FMN1: variants seen among roughly 807,000 people sequenced by gnomAD.
FMN1 encodes formin 1.
In FMN1, 110 loss-of-function variants were observed where a neutral mutation model predicts 132.4. The ratio of observed to expected loss-of-function variants is 0.83; its 90% CI spans 0.71 to 0.97. The LOEUF (loss-of-function observed/expected upper bound fraction) is 0.97, where lower values mean the gene tolerates loss of function less well. Among genes scored for constraint, FMN1 ranks in the 50% least tolerant of loss-of-function variants. FMN1 has a pLI of 0.00. For missense variants in FMN1, 1,792 were observed against 1,705.3 expected (o/e 1.05, Z -0.90); for synonymous variants, 722 against 651.7 (o/e 1.11, Z -1.64).
intron 5 of FMN1, among the ~76,000 whole-genome samples, chr15:33,077,793 C>CAAAAA (rs796706510): frequency 8.7e-6 from 1 of 115,104 alleles, no homozygotes; most frequent in Non-Finnish European, 1.7e-5. Context: ...AACAAATTTA[C>CAAAAA]AAAAAAAAAA....
chr15:33,182,706 C>T (rs569935104), intron 2 of FMN1, among the ~76,000 whole-genome samples: 15 of 152,270 alleles, frequency 9.9e-5, no homozygotes, highest in African/African-American at 3.6e-4. Flanking sequence ...TCTGCCCAGG[C>T]GCCATCTACC....
At chr15:33,120,395 A>G (rs1244690525) in intron 4 of FMN1, among the ~76,000 whole-genome samples, 1 of 152,122 alleles carries the variant, frequency 6.6e-6, no homozygotes, top group African/African-American at 2.4e-5. Flanking sequence ...TTGTGCCCAT[A>G]GTGTTTACAG....
chr15:32,815,319 T>C (rs1423472384), intron 17 of FMN1, among the ~76,000 whole-genome samples: 1 of 152,218 alleles, frequency 6.6e-6, no homozygotes, highest in Non-Finnish European at 1.5e-5. Flanking sequence ...CATAGCATTT[T>C]AGTACTAGAT....
At chr15:33,130,301 T>C (rs1198162176) in intron 4 of FMN1, among the ~76,000 whole-genome samples, 3 of 152,210 alleles carry the variant, frequency 2.0e-5, no homozygotes, top group African/African-American at 4.8e-5. Flanking sequence ...ACTCAAAATA[T>C]TGCCCTACAT....
chr15:33,193,327 G>A (rs1377636487), intron 2 of FMN1, among the ~76,000 whole-genome samples: 2 of 152,160 alleles, frequency 1.3e-5, no homozygotes, highest in Non-Finnish European at 2.9e-5. Flanking sequence ...CCTAGAAACA[G>A]CTAAGCAACG....
intron 7 of FMN1, among the ~76,000 whole-genome samples, chr15:33,004,242 C>G (rs1410498522): frequency 6.6e-6 from 1 of 152,170 alleles, no homozygotes; most frequent in African/African-American, 2.4e-5. Flanking sequence ...AAACCACCAT[C>G]AGAGTGAACA....
At chr15:33,118,520 T>C (rs144898341) in intron 4 of FMN1, among the ~76,000 whole-genome samples, 2,406 of 152,332 alleles carry the variant, frequency 0.016, 35 homozygotes, top group Non-Finnish European at 0.025. Context: ...TTATTTTTCC[T>C]AGGTAATTTT....
At chr15:32,939,904 TAATA>T (rs2061363014) in intron 9 of FMN1, among the ~76,000 whole-genome samples, 1 of 152,200 alleles carries the variant, frequency 6.6e-6, no homozygotes, top group Admixed American at 6.5e-5. Context: ...GTAGGAAATT[TAATA>T]TATATATTTA....
At chr15:33,126,733 G>A (rs1963115360) in intron 4 of FMN1, among the ~76,000 whole-genome samples, 1 of 151,958 alleles carries the variant, frequency 6.6e-6, no homozygotes, top group Non-Finnish European at 1.5e-5. Flanking sequence ...CAGGCAGGCT[G>A]GAGCAGAAAC....
intron 19 of FMN1, among the ~76,000 whole-genome samples, chr15:32,777,529 TAAC>T (rs1398180218): frequency 1.5e-5 from 1 of 66,454 alleles, no homozygotes; most frequent in Non-Finnish European, 3.3e-5. Flanking sequence ...ATATTACGTA[TAAC>T]ATAACATTTA....
At chr15:33,092,437 G>C (rs969203489) in intron 4 of FMN1, among the ~76,000 whole-genome samples, 1 of 152,056 alleles carries the variant, frequency 6.6e-6, no homozygotes, top group African/African-American at 2.4e-5. Context: ...CCCCTGCCAC[G>C]TGACTTCCTT....
At chr15:33,019,865 C>A (rs1017339377) in intron 6 of FMN1, among the ~76,000 whole-genome samples, 1 of 152,212 alleles carries the variant, frequency 6.6e-6, no homozygotes, top group Non-Finnish European at 1.5e-5. Context: ...TCCCTCCACA[C>A]CTCCCCGCAA....
At chr15:33,004,125 T>C (rs895064173) in intron 7 of FMN1, among the ~76,000 whole-genome samples, 28 of 152,276 alleles carry the variant, frequency 1.8e-4, no homozygotes, top group Middle Eastern at 3.4e-3. Context: ...ATTCAGGACA[T>C]AGGCATGGGC....
At chr15:33,031,155 TAAG>T (rs750828750) in intron 6 of FMN1, among the ~76,000 whole-genome samples, 2 of 152,162 alleles carry the variant, frequency 1.3e-5, no homozygotes, top group Non-Finnish European at 2.9e-5. Context: ...ACACAGGTAA[TAAG>T]AAATACAGCC....
chr15:33,110,023 C>A (rs2039638433), intron 4 of FMN1, among the ~76,000 whole-genome samples: 1 of 151,780 alleles, frequency 6.6e-6, no homozygotes, highest in South Asian at 2.1e-4. Flanking sequence ...GGTAAGTGCA[C>A]GAATACTCTT....
intron 9 of FMN1, among the ~76,000 whole-genome samples, chr15:32,955,270 C>T (rs2061738668): frequency 6.6e-6 from 1 of 152,116 alleles, no homozygotes; most frequent in African/African-American, 2.4e-5. Context: ...ATTGAGACTT[C>T]TCTGTTCATA....
At chr15:33,157,327 G>T (rs997967144) in intron 3 of FMN1, among the ~76,000 whole-genome samples, 1 of 151,556 alleles carries the variant, frequency 6.6e-6, no homozygotes, top group African/African-American at 2.4e-5. Context: ...ATTTCAAATA[G>T]GAATATGACT....
In FMN1 at chr15:32,937,820, C is replaced by T. The variant is rs199983937; in HGVS notation, c.3139-11559G>A. Among the ~76,000 whole-genome samples, 6 of 152,054 alleles carry T rather than the reference C, an allele frequency of 3.9e-5. No individual in the cohort carries two copies. In the East Asian group the frequency reaches 5.8e-4, roughly 15 times the overall value. ...AGAATTAGAAATGAAGGAAGAGTAA[C>T]GAGAAAAAGAGTAGAAGAAACATAT... is the stretch of plus-strand genomic sequence containing the variant. On this transcript the variant is annotated intron_variant, in intron 9 of 20. Coordinates refer to ENST00000616417, the MANE Select transcript of FMN1 (RefSeq NM_001277313.2).
At chr15:32,975,633 ATT>A (rs140250536) in intron 7 of FMN1, among the ~76,000 whole-genome samples, 1 of 149,974 alleles carries the variant, frequency 6.7e-6, no homozygotes, top group African/African-American at 2.4e-5. Context: ...AAACATCCAA[ATT>A]TTTTTTTTAA....
Sources: gnomAD v4.1 joint callset for allele counts (sites outside exome capture counted in the v4.1 genomes callset) on GRCh38, gnomAD v4.1.1 for gene constraint, MANE v1.5 for transcripts, NCBI Gene and HGNC (gene_info 2026-07-23, HGNC 2026-07-21) for gene names.